The following CAMTA1 variants were observed in gnomAD, a reference collection of about 807,000 sequenced individuals.
The protein encoded by CAMTA1 is calmodulin binding transcription activator 1, also known as calmodulin-binding transcription activator 1.
Under a neutral mutation model 170.9 loss-of-function variants are expected in CAMTA1, and 27 were observed. The observed-to-expected ratio is 0.16, with a 90% CI of 0.12 to 0.22. The LOEUF (loss-of-function observed/expected upper bound fraction) is 0.22. Among genes scored for constraint, CAMTA1 ranks in the 10% least tolerant of loss-of-function variants. CAMTA1 has a pLI of 1.00. For synonymous variants in CAMTA1, 833 were observed against 891.5 expected (o/e 0.93, Z 1.17); for missense variants, 1,619 against 2,217.2 (o/e 0.73, Z 5.42).
intron 5 of CAMTA1, among the ~76,000 whole-genome samples, chr1:7,309,449 G>A (rs1354245654): frequency 6.6e-6 from 1 of 151,392 alleles, no homozygotes; most frequent in Non-Finnish European, 1.5e-5. Context: ...ACAGGCGCCC[G>A]CCACTACGCC....
intron 10 of CAMTA1, among the ~76,000 whole-genome samples, chr1:7,675,007 GA>G (rs779004258): frequency 4.6e-5 from 7 of 152,182 alleles, no homozygotes; most frequent in Non-Finnish European, 1.0e-4. Context: ...GATAACTGGT[GA>G]AAACTGTATC....
chr1:7,147,302 T>C (rs925648063), intron 4 of CAMTA1, among the ~76,000 whole-genome samples: 2 of 151,760 alleles, frequency 1.3e-5, no homozygotes, highest in East Asian at 3.9e-4. Context: ...TGAGCACCTA[T>C]AGTCCCAGCT....
In CAMTA1 at chr1:7,736,865, A is replaced by AAT. The variant is rs1476784880; in HGVS notation, c.3264-63_3264-62dup. On this transcript the variant is annotated intron_variant, in intron 13 of 22. Coordinates refer to ENST00000303635, the MANE Select transcript of CAMTA1 (RefSeq NM_015215.4). This position sits in a 1 kb window ranked among gnomAD's most constrained non-coding sequence, Gnocchi z 4.5. ...GGGTTTCATCTTGGTGGGGTTTTAT[A>AAT]ATATTCTGGTGTTTCCTTTTAACGG... The AAT allele has an allele frequency of 1.7e-5, 22 of 1,282,206 alleles. No homozygotes were observed. Among genetic ancestry groups the AAT allele is most frequent in the Non-Finnish European group, 2.5e-5 (22 of 894,592 alleles). The allele number at this position is 1,282,206 out of a possible 1,614,324, so 79.4% of individuals were successfully genotyped here. A position where few individuals can be genotyped will look rare whatever the true frequency, so the allele number is the denominator to read the frequency against.
chr1:7,689,021 G>A (rs2096282352), intron 11 of CAMTA1, among the ~76,000 whole-genome samples: 1 of 152,106 alleles, frequency 6.6e-6, no homozygotes, highest in Admixed American at 6.5e-5. Context: ...CAACACTTTG[G>A]GAGGCCAAGG....
Position 7,195,487 on chromosome 1 carries a change from G to A in CAMTA1, c.303-54004G>A, listed in dbSNP as rs759953903. ...GTAGTGACCATGGGGCACAAGCAGG[G>A]AATAGAGCTTTCCTGTTACAGCATC... On this transcript the variant is annotated intron_variant, in intron 4 of 22. Transcript: ENST00000303635. The surrounding 1 kb of genome is among the most constrained non-coding windows in gnomAD (Gnocchi z 4.1). Among the ~76,000 whole-genome samples the A allele has an allele frequency of 5.3e-5, 8 of 152,148 alleles. No homozygotes were observed. The highest frequency in any genetic ancestry group is 1.0e-4 in the Non-Finnish European group (7 of 68,030).
At chr1:7,747,188 G>A (rs780808677) in intron 18 of CAMTA1, among the ~76,000 whole-genome samples, 5 of 152,160 alleles carry the variant, frequency 3.3e-5, no homozygotes, top group Non-Finnish European at 7.3e-5. Context: ...CTAGGAGGTC[G>A]TGACCTAAAG....
At chr1:6,814,968 A>G (rs1446051777) in intron 1 of CAMTA1, among the ~76,000 whole-genome samples, 2 of 152,094 alleles carry the variant, frequency 1.3e-5, no homozygotes, top group African/African-American at 4.8e-5. Flanking sequence ...ATCCTGATCT[A>G]GGTTCTCTGA....
chr1:6,876,404 C>G (rs1033227060), intron 3 of CAMTA1, among the ~76,000 whole-genome samples: 3 of 151,548 alleles, frequency 2.0e-5, no homozygotes, highest in African/African-American at 7.3e-5. Flanking sequence ...TCTTGTCGCC[C>G]AGGCTGGAGT....
chr1:7,552,880 A>G (rs774425470), intron 6 of CAMTA1, among the ~76,000 whole-genome samples: 1 of 152,216 alleles, frequency 6.6e-6, no homozygotes, highest in Non-Finnish European at 1.5e-5. Context: ...ACGGAGCCGC[A>G]CGGAGAGCCT....
In CAMTA1 at chr1:6,792,202, C is replaced by T. The variant is rs1373341165; in HGVS notation, c.45+6627C>T. 2.6e-5 allele frequency among the ~76,000 whole-genome samples: 4 copies of T among 152,114 alleles called. No individual in the cohort carries two copies. In the East Asian group the frequency reaches 7.7e-4, roughly 29 times the overall value. ...TGAATTCCTGGCCTCAAGTGATCCG[C>T]CCACCTAGGCCTCCCAAAGTGCTGA... On this transcript the variant is annotated intron_variant, in intron 1 of 22. Transcript: ENST00000303635.
intron 3 of CAMTA1, among the ~76,000 whole-genome samples, chr1:6,857,229 G>T (rs1230388874): frequency 6.6e-6 from 1 of 152,160 alleles, no homozygotes; most frequent in Non-Finnish European, 1.5e-5. Context: ...ATAACTGGAT[G>T]GCTTGGAGAT....
At chr1:6,882,084 A>G (rs1056582110) in intron 3 of CAMTA1, among the ~76,000 whole-genome samples, 1 of 152,228 alleles carries the variant, frequency 6.6e-6, no homozygotes, top group Non-Finnish European at 1.5e-5. Context: ...GCCTGTTTCT[A>G]TATAGCTAGC....
At chr1:7,008,314 G>A (rs1699303708) in intron 3 of CAMTA1, 1 of 152,468 alleles carries the variant, frequency 6.6e-6, no homozygotes. Flanking sequence ...GAACGGCCTT[G>A]ACGGTGGAGT....
chr1:7,048,876 G>A (rs960135344), intron 3 of CAMTA1, among the ~76,000 whole-genome samples: 2 of 152,166 alleles, frequency 1.3e-5, no homozygotes, highest in African/African-American at 4.8e-5. Context: ...ATCTGAGAAC[G>A]TTCACAGGAC....
At chr1:7,714,072 GAT>G (rs770078185) in intron 11 of CAMTA1, among the ~76,000 whole-genome samples, 1 of 152,142 alleles carries the variant, frequency 6.6e-6, no homozygotes, top group Non-Finnish European at 1.5e-5. Flanking sequence ...ATTGTGGAAA[GAT>G]ATTATCTATG....
intron 5 of CAMTA1, among the ~76,000 whole-genome samples, chr1:7,331,431 C>A (rs1438632488): frequency 6.6e-6 from 1 of 152,188 alleles, no homozygotes; most frequent in Non-Finnish European, 1.5e-5. Context: ...TTATTGCATT[C>A]TTTTGATTAT....
intron 6 of CAMTA1, among the ~76,000 whole-genome samples, chr1:7,526,156 G>A (rs1051323904): frequency 1.3e-5 from 2 of 152,110 alleles, no homozygotes; most frequent in African/African-American, 2.4e-5. Context: ...CATTGTCACT[G>A]CAAGCAGAAG....
rs968712544 is a variant in CAMTA1 at position 7,588,381 on chromosome 1, C to T, written c.511-52019C>T. 2.6e-5 allele frequency among the ~76,000 whole-genome samples: 4 copies of T among 152,144 alleles called. No homozygotes were observed. The highest frequency in any genetic ancestry group is 2.1e-4 in the South Asian group (1 of 4,824). On this transcript the variant is annotated intron_variant, in intron 6 of 22. Transcript: ENST00000303635. The surrounding 1 kb of genome is among the most constrained non-coding windows in gnomAD (Gnocchi z 5.8). ...CCACACACAGTCGGGATGGTCCGGG[C>T]GGGGGATGGCCCCAGGGGCTCAGGA...
intron 6 of CAMTA1, among the ~76,000 whole-genome samples, chr1:7,612,749 T>G (rs1001187652): frequency 1.3e-5 from 2 of 152,230 alleles, no homozygotes; most frequent in African/African-American, 2.4e-5. Flanking sequence ...GACAGGGCTC[T>G]AAGCAAGGCC....
Sources: gnomAD v4.1 joint callset for allele counts (sites outside exome capture counted in the v4.1 genomes callset) on GRCh38, gnomAD v4.1.1 for gene constraint, Gnocchi (gnomAD v3.1) non-coding constraint, MANE v1.5 for transcripts, NCBI Gene and HGNC (gene_info 2026-07-23, HGNC 2026-07-21) for gene names.